The following ZNF69 variants were observed in gnomAD, a reference collection of about 807,000 sequenced individuals.
The protein encoded by ZNF69 is zinc finger protein 69.
A neutral mutation model predicts 50.9 loss-of-function variants in ZNF69; 47 were observed. That is an observed-to-expected ratio of 0.92 (90% CI 0.73 to 1.18). The LOEUF is 1.18. ZNF69 is among the 50% of genes most tolerant of loss of function. The probability of loss-of-function intolerance (pLI) is 0.00; values close to 1 mark genes in which losing one functional copy is unlikely to be tolerated. For missense variants in ZNF69, 717 were observed against 675.1 expected (o/e 1.06, Z -0.69); for synonymous variants, 216 against 223.1 (o/e 0.97, Z 0.29).
chr19:11,971,708 TG>T, the ZNF69 span, among the ~76,000 whole-genome samples: 2 of 152,206 alleles, frequency 1.3e-5, no homozygotes, highest in Non-Finnish European at 2.9e-5. Flanking sequence ...GTAGACTTTT[TG>T]CATAATAATC....
At chr19:11,934,988 T>C in the ZNF69 span, among the ~76,000 whole-genome samples, 1 of 146,398 alleles carries the variant, frequency 6.8e-6, no homozygotes, top group Non-Finnish European at 1.5e-5. Context: ...CCATCCTGGC[T>C]AACACTGTGA....
chr19:11,937,424 T>G, the ZNF69 span, among the ~76,000 whole-genome samples: 3 of 152,080 alleles, frequency 2.0e-5, no homozygotes, highest in Non-Finnish European at 2.9e-5. Flanking sequence ...ATGACCTGTC[T>G]GCCTTGGCCT....
Position 11,890,102 on chromosome 19 carries a change from G to C in ZNF69, c.63+2116G>C, listed in dbSNP as rs542614724. 2.6e-5 allele frequency among the ~76,000 whole-genome samples: 4 copies of C among 152,240 alleles called. 1 individual carries two copies. Among genetic ancestry groups the C allele is most frequent in the African/African-American group, 9.6e-5 (4 of 41,558 alleles). ...TTACACAGAGACATTCCATTCCCCG[G>C]AACGAGCAGGAGACAGAAGCCTTCC... is the stretch of plus-strand genomic sequence containing the variant. On this transcript the variant is annotated intron_variant, in intron 1 of 3. Transcript: ENST00000429654.
the ZNF69 span, among the ~76,000 whole-genome samples, chr19:11,919,613 A>G: frequency 2.6e-5 from 4 of 152,108 alleles, no homozygotes; most frequent in Non-Finnish European, 4.4e-5. Context: ...TTATACTTGC[A>G]AGCCCTAAAC....
chr19:11,955,480 A>G, the ZNF69 span, among the ~76,000 whole-genome samples: 2 of 149,110 alleles, frequency 1.3e-5, no homozygotes, highest in Admixed American at 6.8e-5. Context: ...TGCAGCCTTC[A>G]TCTTCCAGGC....
chr19:11,906,118 C>T lies in ZNF69; in HGVS notation c.*20C>T, dbSNP rs188472867. On this transcript the variant is annotated 3_prime_UTR_variant, in exon 4 of 4. Transcript: ENST00000429654. ...CAATGAGGGAAAGCCTTCAGATCTGCCTCACACCTTTGAATGCATGGTAGG... is the reference window on the plus strand; with the variant it reads ...CAATGAGGGAAAGCCTTCAGATCTGTCTCACACCTTTGAATGCATGGTAGG... 45 of 1,605,868 alleles carry T rather than the reference C, an allele frequency of 2.8e-5. No individual in the cohort carries two copies. The Admixed American group carries it at 4.0e-4, about 14-fold the overall frequency.
chr19:11,942,107 T>G, the ZNF69 span, among the ~76,000 whole-genome samples: 1 of 151,840 alleles, frequency 6.6e-6, no homozygotes, highest in East Asian at 1.9e-4. Context: ...TCTGACAGGA[T>G]AACTGCAAAG....
chr19:11,932,660 CAG>C, the ZNF69 span, among the ~76,000 whole-genome samples: 1 of 121,862 alleles, frequency 8.2e-6, no homozygotes, highest in African/African-American at 3.6e-5. Flanking sequence ...TTTTTTGAGA[CAG>C]AGTCTTGCCC....
chr19:11,935,846 A>G, the ZNF69 span, among the ~76,000 whole-genome samples: 1 of 152,138 alleles, frequency 6.6e-6, no homozygotes, highest in South Asian at 2.1e-4. Flanking sequence ...TCCTAAGGCT[A>G]TCCTCCTCCC....
At chr19:11,912,993 C>T (rs762370977) in intron 4 of ZNF69, among the ~76,000 whole-genome samples, 4 of 152,126 alleles carry the variant, frequency 2.6e-5, no homozygotes, top group Non-Finnish European at 4.4e-5. Flanking sequence ...GCCAGGAGAT[C>T]GAGACCATCC....
the ZNF69 span, among the ~76,000 whole-genome samples, chr19:11,974,118 TTTCTTTC>T: frequency 7.2e-5 from 5 of 69,064 alleles, no homozygotes; most frequent in Admixed American, 1.4e-4. Flanking sequence ...TCTTTCTTTC[TTTCTTTC>T]TTTTCTTTCT....
chr19:11,977,610 A>G, the ZNF69 span, among the ~76,000 whole-genome samples: 15 of 152,346 alleles, frequency 9.8e-5, no homozygotes, highest in South Asian at 4.1e-4. Context: ...TGTAATCCCA[A>G]TCCTTTGAGA....
chr19:11,912,276 C>A (rs908779779), intron 4 of ZNF69, among the ~76,000 whole-genome samples: 1 of 152,118 alleles, frequency 6.6e-6, no homozygotes, highest in Non-Finnish European at 1.5e-5. Flanking sequence ...AGGAGAGAAG[C>A]TCTGTGAATG....
At chr19:11,971,270 A>G in the ZNF69 span, among the ~76,000 whole-genome samples, 2 of 152,172 alleles carry the variant, frequency 1.3e-5, no homozygotes, top group African/African-American at 4.8e-5. Flanking sequence ...CACATGACAG[A>G]AAAGAGAGGA....
chr19:11,958,628 A>G, the ZNF69 span, among the ~76,000 whole-genome samples: 2,984 of 152,280 alleles, frequency 0.02, 73 homozygotes, highest in African/African-American at 0.059. Context: ...AAGTCCCAGA[A>G]TTAATTTTCT....
chr19:11,925,009 A>G, the ZNF69 span: 4 of 522,412 alleles, frequency 7.7e-6, no homozygotes, highest in African/African-American at 8.1e-5. Context: ...TTCAGCTGTC[A>G]CTCAGATGTG....
At chr19:11,956,032 G>A in the ZNF69 span, among the ~76,000 whole-genome samples, 1 of 152,186 alleles carries the variant, frequency 6.6e-6, no homozygotes, top group African/African-American at 2.4e-5. Flanking sequence ...TGGGGTCACT[G>A]CTCCCACTCT....
chr19:11,947,947 C>T, the ZNF69 span, among the ~76,000 whole-genome samples: 2 of 152,212 alleles, frequency 1.3e-5, no homozygotes, highest in Non-Finnish European at 2.9e-5. Flanking sequence ...GAGTTAAAGG[C>T]TGCAGTAAGC....
chr19:11,931,592 CT>C, the ZNF69 span, among the ~76,000 whole-genome samples: 1 of 147,834 alleles, frequency 6.8e-6, no homozygotes, highest in African/African-American at 2.7e-5. Context: ...TTAGAAGTAC[CT>C]TTTTCTTAAT....
Sources: allele counts gnomAD v4.1 joint callset (sites outside exome capture counted in the v4.1 genomes callset), GRCh38; gene constraint gnomAD v4.1.1; transcripts MANE v1.5; gene names NCBI Gene and HGNC (gene_info 2026-07-23, HGNC 2026-07-21).